AGBL4: variants seen among roughly 807,000 people sequenced by gnomAD.
AGBL4 encodes the protein cytosolic carboxypeptidase 6.
AGBL4 carries 58 observed loss-of-function variants against 66.4 expected under a neutral mutation model. The observed-to-expected ratio is 0.87, with a 90% CI of 0.71 to 1.09. AGBL4 has a LOEUF of 1.09. Among genes scored for constraint, AGBL4 ranks in the 50% least tolerant of loss-of-function variants. The probability of loss-of-function intolerance (pLI) is 0.00; values close to 1 mark genes in which losing one functional copy is unlikely to be tolerated. For missense variants in AGBL4, 579 were observed against 631.0 expected, an observed-to-expected ratio of 0.92 and a Z score of 0.88; for synonymous variants, 234 against 222.9, an observed-to-expected ratio of 1.05 and a Z score of -0.44.
chr1:48,975,830 T>C (rs965089407), intron 5 of AGBL4, among the ~76,000 whole-genome samples: 8 of 152,132 alleles, frequency 5.3e-5, no homozygotes, highest in African/African-American at 1.4e-4. Context: ...GTGGAACTGA[T>C]TGAAGAATAA....
intron 4 of AGBL4, among the ~76,000 whole-genome samples, chr1:49,098,018 C>G (rs985780713): frequency 6.6e-6 from 1 of 152,212 alleles, no homozygotes; most frequent in African/African-American, 2.4e-5. Flanking sequence ...GGAGTTATGA[C>G]ATTCCTTCTT....
chr1:48,948,612 A>C (rs189027810), intron 5 of AGBL4, among the ~76,000 whole-genome samples: 1 of 152,170 alleles, frequency 6.6e-6, no homozygotes, highest in East Asian at 1.9e-4. Flanking sequence ...TCTATTTTTT[A>C]CCCTCTTGCC....
At chr1:49,874,003 C>G (rs1646905637) in intron 1 of AGBL4, among the ~76,000 whole-genome samples, 1 of 151,820 alleles carries the variant, frequency 6.6e-6, no homozygotes, top group Non-Finnish European at 1.5e-5. Flanking sequence ...GTAATGACAC[C>G]AAAAATAGCA....
At chr1:48,890,316 T>C (rs542502189) in intron 5 of AGBL4, among the ~76,000 whole-genome samples, 1 of 152,320 alleles carries the variant, frequency 6.6e-6, no homozygotes, top group East Asian at 1.9e-4. Context: ...CTTTGCTACT[T>C]GTAAAACCTT....
intron 6 of AGBL4, among the ~76,000 whole-genome samples, chr1:48,838,647 A>G (rs1257973822): frequency 2.0e-5 from 3 of 152,184 alleles, no homozygotes. Context: ...CTTGAGTAAG[A>G]CATCAAAAGT....
At chr1:48,895,511 C>A (rs1651415846) in intron 5 of AGBL4, among the ~76,000 whole-genome samples, 1 of 152,226 alleles carries the variant, frequency 6.6e-6, no homozygotes, top group African/African-American at 2.4e-5. Flanking sequence ...GAATGGAAAT[C>A]TTTCCCTAAT....
chr1:49,741,099 A>T (rs1650413680), intron 2 of AGBL4, among the ~76,000 whole-genome samples: 1 of 152,202 alleles, frequency 6.6e-6, no homozygotes, highest in Non-Finnish European at 1.5e-5. Flanking sequence ...TCAAAAAATC[A>T]ATGAACCCAG....
At chr1:48,679,547 A>C (rs1027556747) in intron 6 of AGBL4, among the ~76,000 whole-genome samples, 3 of 152,102 alleles carry the variant, frequency 2.0e-5, no homozygotes, top group African/African-American at 7.2e-5. Flanking sequence ...TGCACTCATC[A>C]GTGTGGGTGA....
intron 2 of AGBL4, among the ~76,000 whole-genome samples, chr1:49,778,245 G>T (rs567118372): frequency 1.3e-5 from 2 of 152,196 alleles, no homozygotes; most frequent in East Asian, 3.9e-4. Flanking sequence ...GGCAATCCAA[G>T]AAGACTAGGT....
chr1:49,292,734 C>G (rs935504330), intron 3 of AGBL4, among the ~76,000 whole-genome samples: 1 of 152,152 alleles, frequency 6.6e-6, no homozygotes, highest in African/African-American at 2.4e-5. Flanking sequence ...CCAGGGCCTC[C>G]TCTCTGCTGA....
chr1:49,524,601 A>G (rs1227756832), intron 3 of AGBL4, among the ~76,000 whole-genome samples: 1 of 152,062 alleles, frequency 6.6e-6, no homozygotes, highest in Non-Finnish European at 1.5e-5. Flanking sequence ...AGGAGTCCAC[A>G]TGGTCACTAC....
intron 4 of AGBL4, among the ~76,000 whole-genome samples, chr1:49,191,646 C>T (rs887314559): frequency 3.3e-5 from 5 of 152,110 alleles, no homozygotes; most frequent in Admixed American, 2.6e-4. Flanking sequence ...CCAGTATCTG[C>T]TGTTCCCGTT....
chr1:49,020,875 T>C (rs898179254), intron 5 of AGBL4, among the ~76,000 whole-genome samples: 9 of 152,250 alleles, frequency 5.9e-5, no homozygotes, highest in African/African-American at 1.4e-4. Context: ...GGGAAGGACC[T>C]GGAAAGACTG....
chr1:49,826,582 T>C (rs1205799911), intron 2 of AGBL4, among the ~76,000 whole-genome samples: 1 of 152,220 alleles, frequency 6.6e-6, no homozygotes, highest in Non-Finnish European at 1.5e-5. Flanking sequence ...ATAATAACTG[T>C]ATCCCTGTAT....
At chr1:48,529,691 G>A (rs537123014), downstream of AGBL4, among the ~76,000 whole-genome samples, 1 of 152,246 alleles carries the variant, frequency 6.6e-6, no homozygotes, top group South Asian at 2.1e-4. Flanking sequence ...AAGAAATGAG[G>A]GACATAGTAG....
chr1:48,815,214 G>A (rs1180801040), intron 6 of AGBL4, among the ~76,000 whole-genome samples: 1 of 152,112 alleles, frequency 6.6e-6, no homozygotes, highest in Non-Finnish European at 1.5e-5. Context: ...TGTCTGTTCA[G>A]ATCATTTGCT....
intron 6 of AGBL4, among the ~76,000 whole-genome samples, chr1:48,710,929 C>CAAAAAAAAAAAAAAA (rs1557895437): frequency 6.6e-6 from 1 of 152,168 alleles, no homozygotes; most frequent in African/African-American, 2.4e-5. Context: ...AGATCCAGCT[C>CAAAAAAAAAAAAAAA]AGACATTACC....
Position 49,925,684 on chromosome 1 carries a change from C to A in AGBL4, c.35-74166G>T, listed in dbSNP as rs149921290. ...TGAGCCCTACACCTGGCAAAATATA[C>A]CACAAGCTGGCTGAAGAGCCCTTGG... On this transcript the variant is annotated intron_variant, in intron 1 of 13. Transcript: ENST00000371839. 7.9e-5 allele frequency among the ~76,000 whole-genome samples: 12 copies of A among 152,292 alleles called. No individual in the cohort carries two copies. The East Asian group carries it at 2.1e-3, about 27-fold the overall frequency.
intron 2 of AGBL4, chr1:49,844,885 C>A: frequency 7.0e-7 from 1 of 1,426,496 alleles, no homozygotes; most frequent in Non-Finnish European, 9.8e-7. Flanking sequence ...AGCCTTGATG[C>A]CTTTGAAGAT....
Sources: gnomAD v4.1 joint callset for allele counts (sites outside exome capture counted in the v4.1 genomes callset) on GRCh38, gnomAD v4.1.1 for gene constraint, MANE v1.5 for transcripts, NCBI Gene and HGNC (gene_info 2026-07-23, HGNC 2026-07-21) for gene names.